KLC1: variants seen among roughly 807,000 people sequenced by gnomAD.
KLC1 encodes the protein kinesin light chain 1, also known as kinesin 2 60/70kDa.
In KLC1, 30 loss-of-function variants were observed where a neutral mutation model predicts 84.2. That is an observed-to-expected ratio of 0.36 (90% CI 0.27 to 0.48). The LOEUF is 0.48. Ranked by LOEUF, KLC1 falls within the 20% of genes least tolerant of loss-of-function variation. KLC1 has a pLI of 0.99. For synonymous variants in KLC1, 289 were observed against 293.3 expected (o/e 0.99, Z 0.15); for missense variants, 499 against 805.4 (o/e 0.62, Z 4.60).
intron 14 of KLC1, among the ~76,000 whole-genome samples, chr14:103,692,152 A>G (rs1325260989): frequency 1.3e-5 from 2 of 152,216 alleles, no homozygotes; most frequent in Non-Finnish European, 2.9e-5. Context: ...TTTTGCTGTG[A>G]AAGATGCAGA....
Position 103,662,140 on chromosome 14 carries a change from A to G in KLC1, c.517A>G (p.Lys173Glu). Residue 173 changes from lysine to glutamate, a missense_variant, in exon 4 of 17, where the codon AAA (lysine) becomes GAA (glutamate). Physicochemically the swap from Lys to Glu is moderately conservative, Grantham distance 56 (BLOSUM62 1). Around this residue, in one of 3 missense-constraint regions of KLC1, gnomAD observed 179 missense variants for 264.2 expected, o/e 0.68. Coordinates refer to ENST00000334553, the MANE Select transcript of KLC1 (RefSeq NM_001394837.1). The part of the protein sequence containing the change: ...PSEDKDTDST[K>E]EPLDDLFPND... ...GGAGGACAAAGACACTGATTCTACCAAAGAGCCTCTGGATGACCTTTTCCC... is the reference window on the plus strand; with the variant it reads ...GGAGGACAAAGACACTGATTCTACCGAAGAGCCTCTGGATGACCTTTTCCC... The G allele has an allele frequency of 6.2e-7, 1 of 1,614,030 alleles. No individual in the cohort carries two copies. Among genetic ancestry groups the G allele is most frequent in the Non-Finnish European group, 8.5e-7 (1 of 1,179,884 alleles).
At chr14:103,658,126 C>T (rs2078959339) in intron 3 of KLC1, among the ~76,000 whole-genome samples, 1 of 152,188 alleles carries the variant, frequency 6.6e-6, no homozygotes, top group African/African-American at 2.4e-5. Context: ...GTGCTCTTGG[C>T]ATTGCCATTC....
chr14:103,666,509 C>T lies in KLC1; in HGVS notation c.798-3002C>T, dbSNP rs77911171. Among the ~76,000 whole-genome samples, 266 of 152,190 alleles carry T rather than the reference C, an allele frequency of 1.7e-3. 2 individuals are homozygous for T. Among genetic ancestry groups the T allele is most frequent in the African/African-American group, 5.9e-3 (245 of 41,518 alleles). Reference sequence around the variant, plus strand: ...GACTGCTGTTGGTTTGGGACCACACCGGAGAACCACTGCTAACTAATAGTC... The same window carrying T: ...GACTGCTGTTGGTTTGGGACCACACTGGAGAACCACTGCTAACTAATAGTC... On this transcript the variant is annotated intron_variant, in intron 5 of 16. Transcript: ENST00000334553.
At chr14:103,666,889 G>T (rs746395982) in intron 5 of KLC1, among the ~76,000 whole-genome samples, 35 of 150,328 alleles carry the variant, frequency 2.3e-4, no homozygotes, top group Non-Finnish European at 3.7e-4. Flanking sequence ...CGATTCTCCT[G>T]CCTCAGCCTC....
At chr14:103,659,802 C>G (rs12889869) in intron 3 of KLC1, among the ~76,000 whole-genome samples, 34,524 of 151,878 alleles carry the variant, frequency 0.23, 4,274 homozygotes, top group East Asian at 0.49. Context: ...GGCTGGATGG[C>G]TTAACATTTA....
intron 1 of KLC1, among the ~76,000 whole-genome samples, chr14:103,649,562 CAAAAAAAAA>C (rs35297746): frequency 2.0e-4 from 15 of 75,780 alleles, no homozygotes; most frequent in African/African-American, 6.8e-4. Flanking sequence ...GACCTCATCT[CAAAAAAAAA>C]AAAAAAAAAA....
At chr14:103,651,474 T>G (rs950447710) in intron 1 of KLC1, among the ~76,000 whole-genome samples, 3 of 152,232 alleles carry the variant, frequency 2.0e-5, no homozygotes, top group Non-Finnish European at 4.4e-5. Context: ...TTATTTTTCC[T>G]AAATAGCCAG....
intron 4 of KLC1, among the ~76,000 whole-genome samples, 181 bp downstream of exon 4, chr14:103,662,375 G>A (rs546589608): frequency 6.6e-6 from 1 of 152,292 alleles, no homozygotes; most frequent in East Asian, 1.9e-4. Flanking sequence ...GAATATGCTA[G>A]AGCAGACCCT....
Position 103,670,149 on chromosome 14 carries a change from T to C in KLC1, c.886-33T>C, listed in dbSNP as rs763816659. On this transcript the variant is annotated intron_variant, in intron 6 of 16. Transcript: ENST00000334553. ...AATGTACTCTTATTTGGTTATCTTTTACCATTCTTAGTGGTTCTCTCTGTG... is the reference window on the plus strand; with the variant it reads ...AATGTACTCTTATTTGGTTATCTTTCACCATTCTTAGTGGTTCTCTCTGTG... 6 of 1,495,364 alleles carry C rather than the reference T, an allele frequency of 4.0e-6. No homozygotes were observed. In the Admixed American group the frequency reaches 5.2e-5, roughly 13 times the overall value. 92.6% of individuals were successfully genotyped at this position (1,495,364 alleles called of 1,614,324 possible).
intron 1 of KLC1, among the ~76,000 whole-genome samples, chr14:103,633,418 G>C (rs111790354): frequency 0.01 from 1,536 of 152,212 alleles, 38 homozygotes; most frequent in African/African-American, 0.035. Context: ...GCAGTGGTGG[G>C]GCAGGTGCTG....
chr14:103,644,473 C>G (rs1295902691), intron 1 of KLC1, among the ~76,000 whole-genome samples: 1 of 151,990 alleles, frequency 6.6e-6, no homozygotes, highest in Non-Finnish European at 1.5e-5. Flanking sequence ...ATTGGCCAGA[C>G]TGGTCTTGAA....
chr14:103,700,910 G>GT (rs974371332), intron 16 of KLC1, among the ~76,000 whole-genome samples, 183 bp downstream of exon 16: 1 of 152,228 alleles, frequency 6.6e-6, no homozygotes, highest in Non-Finnish European at 1.5e-5. Flanking sequence ...GGGCCACAGA[G>GT]TGGGGGGGTG....
In KLC1 at chr14:103,638,883, A is replaced by G. The variant is rs539242262; in HGVS notation, c.-2+9389A>G. Among the ~76,000 whole-genome samples the G allele has an allele frequency of 6.2e-4, 94 of 151,408 alleles. 2 individuals are homozygous for G. The highest frequency in any genetic ancestry group is 9.9e-4 in the Admixed American group (15 of 15,170). ...GTGCATATGTATGAACATAGGGTGTATGTGTGTGAGCACAAGGGTGTGTGT... is the reference window on the plus strand; with the variant it reads ...GTGCATATGTATGAACATAGGGTGTGTGTGTGTGAGCACAAGGGTGTGTGT... On this transcript the variant is annotated intron_variant, in intron 1 of 16. Coordinates refer to ENST00000334553, the MANE Select transcript of KLC1 (RefSeq NM_001394837.1).
chr14:103,674,014 A>G (rs970092474), intron 9 of KLC1, among the ~76,000 whole-genome samples: 4 of 152,150 alleles, frequency 2.6e-5, no homozygotes, highest in Admixed American at 6.5e-5. Context: ...CCCAGAGCCC[A>G]TAACATGTCC....
At chr14:103,639,747 G>A (rs1205717813) in intron 1 of KLC1, among the ~76,000 whole-genome samples, 1 of 150,484 alleles carries the variant, frequency 6.6e-6, no homozygotes, top group Non-Finnish European at 1.5e-5. Context: ...GCCCAGATGT[G>A]AATTCTTTAT....
chr14:103,669,447 G>A (rs199510029), intron 5 of KLC1, 64 bp from the exon 6 acceptor site: 129 of 733,086 alleles, frequency 1.8e-4, no homozygotes, highest in Non-Finnish European at 2.3e-4. Context: ...AAAAAGAAAA[G>A]AAAAGAAAAG....
At chr14:103,644,499 T>G (rs1388540226) in intron 1 of KLC1, among the ~76,000 whole-genome samples, 1 of 152,000 alleles carries the variant, frequency 6.6e-6, no homozygotes, top group African/African-American at 2.4e-5. Context: ...GACCTCCTGA[T>G]CCACCCGCTT....
chr14:103,677,612 A>G (rs1312112395), intron 12 of KLC1, 89 bp downstream of exon 12: 16 of 792,810 alleles, frequency 2.0e-5, no homozygotes, highest in Non-Finnish European at 3.2e-5. Context: ...AGCTTGATTT[A>G]GAAATAGAAA....
At chr14:103,699,788 G>A (rs1410110336) in intron 15 of KLC1, 8 of 611,698 alleles carry the variant, frequency 1.3e-5, no homozygotes, top group Middle Eastern at 4.4e-4. Flanking sequence ...CACACAACTG[G>A]TTCCCTTGGC....
Sources: allele counts gnomAD v4.1 joint callset (sites outside exome capture counted in the v4.1 genomes callset), GRCh38; gene constraint gnomAD v4.1.1; regional missense constraint gnomAD v4.1.1; transcripts MANE v1.5; gene names NCBI Gene and HGNC (gene_info 2026-07-23, HGNC 2026-07-21).